Variants in DGKB observed in about 807,000 individuals in gnomAD.
The protein encoded by DGKB is 90 kDa diacylglycerol kinase.
DGKB carries 67 observed loss-of-function variants against 114.3 expected under a neutral mutation model. The ratio of observed to expected loss-of-function variants is 0.59; its 90% CI spans 0.48 to 0.72. The LOEUF is 0.72. Among genes scored for constraint, DGKB ranks in the 30% least tolerant of loss-of-function variants. The probability of loss-of-function intolerance (pLI) is 0.00; values close to 1 mark genes in which losing one functional copy is unlikely to be tolerated. For missense variants in DGKB, 907 were observed against 975.2 expected (o/e 0.93, Z 0.93); for synonymous variants, 398 against 323.1 (o/e 1.23, Z -2.49).
intron 21 of DGKB, among the ~76,000 whole-genome samples, chr7:14,394,501 G>C (rs1821924731): frequency 6.6e-6 from 1 of 152,090 alleles, no homozygotes; most frequent in African/African-American, 2.4e-5. Flanking sequence ...AGGCCACTTT[G>C]TATTAAAAAT....
chr7:14,585,824 G>A (rs1273721587), intron 17 of DGKB, among the ~76,000 whole-genome samples: 1 of 152,024 alleles, frequency 6.6e-6, no homozygotes, highest in East Asian at 1.9e-4. Flanking sequence ...CTGTTATGGT[G>A]ATCTCTGATC....
Position 14,962,427 on chromosome 7 carries a change from A to G in DGKB, c.-188+12269T>C, listed in dbSNP as rs568021512. Reference sequence around the variant, plus strand: ...ATCAAAATTGCATTAATATTTTTAGATTTGGAATGAAATAATTTATTCTGA... The same window carrying G: ...ATCAAAATTGCATTAATATTTTTAGGTTTGGAATGAAATAATTTATTCTGA... On this transcript the variant is annotated intron_variant, in intron 1 of 4. Coordinates refer to the DGKB transcript ENST00000437998. Among the ~76,000 whole-genome samples, 17 of 152,206 alleles carry G rather than the reference A, an allele frequency of 1.1e-4. 1 individual carries two copies. The South Asian group carries it at 3.3e-3, about 30-fold the overall frequency.
intron 23 of DGKB, among the ~76,000 whole-genome samples, chr7:14,206,269 T>C (rs1380788665): frequency 6.6e-6 from 1 of 151,946 alleles, no homozygotes; most frequent in Non-Finnish European, 1.5e-5. Context: ...AGATAGTTTG[T>C]AGGAAGAAAA....
intron 9 of DGKB, 42 bp from the exon 10 acceptor site, chr7:14,685,404 A>C (rs1441365808): frequency 1.4e-6 from 2 of 1,415,646 alleles, no homozygotes; most frequent in Non-Finnish European, 2.0e-6. Context: ...TTAATGAAAT[A>C]AACAGTGAAA....
At chr7:14,727,857 G>A (rs1586024460) in intron 5 of DGKB, among the ~76,000 whole-genome samples, 1 of 152,066 alleles carries the variant, frequency 6.6e-6, no homozygotes, top group African/African-American at 2.4e-5. Context: ...GTCCTAATAA[G>A]AGAAATATCT....
chr7:14,724,520 T>C (rs968386596), intron 5 of DGKB, among the ~76,000 whole-genome samples: 1 of 151,994 alleles, frequency 6.6e-6, no homozygotes, highest in Non-Finnish European at 1.5e-5. Flanking sequence ...GAACATACTC[T>C]GGTTTTCATC....
chr7:14,804,097 G>GTGTA (rs1842516525), intron 2 of DGKB, among the ~76,000 whole-genome samples: 1 of 151,176 alleles, frequency 6.6e-6, no homozygotes, highest in African/African-American at 2.4e-5. Flanking sequence ...GTGTGTGTGT[G>GTGTA]TTTAGTAATT....
chr7:14,819,107 T>C (rs1586713065), intron 2 of DGKB, among the ~76,000 whole-genome samples: 1 of 152,188 alleles, frequency 6.6e-6, no homozygotes, highest in South Asian at 2.1e-4. Flanking sequence ...CAGATGCCAA[T>C]GATTCATTCT....
intron 22 of DGKB, among the ~76,000 whole-genome samples, chr7:14,339,597 A>G (rs937018486): frequency 2.6e-5 from 4 of 152,168 alleles, no homozygotes; most frequent in Non-Finnish European, 5.9e-5. Context: ...CATTTCCACT[A>G]CTGGACATAT....
chr7:14,657,681 A>T (rs1435622804), intron 13 of DGKB, among the ~76,000 whole-genome samples: 1 of 151,832 alleles, frequency 6.6e-6, no homozygotes, highest in African/African-American at 2.4e-5. Flanking sequence ...ACACATCCTT[A>T]GTTAGTTATA....
intron 4 of DGKB, among the ~76,000 whole-genome samples, chr7:14,739,424 C>T (rs1475595353): frequency 6.6e-6 from 1 of 152,184 alleles, no homozygotes; most frequent in African/African-American, 2.4e-5. Context: ...GCCTCTTCAG[C>T]TCATGTGTGG....
chr7:14,947,205 T>C (rs1370034261), intron 1 of DGKB, among the ~76,000 whole-genome samples: 1 of 151,744 alleles, frequency 6.6e-6, no homozygotes, highest in Non-Finnish European at 1.5e-5. Flanking sequence ...GTTTGTTATG[T>C]TTAAACCTAA....
intron 23 of DGKB, among the ~76,000 whole-genome samples, chr7:14,231,138 T>TCTTTCTTTCTTG (rs1791771807): frequency 6.8e-6 from 1 of 148,072 alleles, no homozygotes; most frequent in Non-Finnish European, 1.5e-5. Flanking sequence ...TTTCTTTCTT[T>TCTTTCTTTCTTG]CTTTCTTTTT....
intron 23 of DGKB, among the ~76,000 whole-genome samples, chr7:14,303,329 G>C (rs867064837): frequency 6.6e-6 from 1 of 151,990 alleles, no homozygotes; most frequent in Admixed American, 6.6e-5. Flanking sequence ...GTGTATGACT[G>C]TATTTCCCGC....
At chr7:14,577,445 G>A (rs980886098) in intron 19 of DGKB, among the ~76,000 whole-genome samples, 3 of 152,078 alleles carry the variant, frequency 2.0e-5, no homozygotes, top group South Asian at 2.1e-4. Context: ...GTGAAACCCT[G>A]TCTCTACTAA....
chr7:14,390,521 G>T (rs1399119529), intron 21 of DGKB, among the ~76,000 whole-genome samples: 1 of 152,070 alleles, frequency 6.6e-6, no homozygotes, highest in Non-Finnish European at 1.5e-5. Flanking sequence ...ATGAAGAAGT[G>T]ATAATGTAGG....
intron 23 of DGKB, chr7:14,191,851 T>C: frequency 6.0e-6 from 3 of 497,642 alleles, no homozygotes; most frequent in Non-Finnish European, 1.2e-5. Flanking sequence ...CTGTACTGGA[T>C]TGTCACACAG....
intron 21 of DGKB, among the ~76,000 whole-genome samples, chr7:14,457,069 A>G (rs1832389101): frequency 6.6e-6 from 1 of 152,158 alleles, no homozygotes; most frequent in Admixed American, 6.6e-5. Context: ...AAGAGATAAG[A>G]AGCAAATATA....
intron 20 of DGKB, among the ~76,000 whole-genome samples, chr7:14,562,042 C>A (rs1222791159): frequency 6.6e-6 from 1 of 152,178 alleles, no homozygotes; most frequent in Non-Finnish European, 1.5e-5. Context: ...AGCCTATAGA[C>A]TTGGTACCCC....
Sources: allele counts gnomAD v4.1 joint callset (sites outside exome capture counted in the v4.1 genomes callset), GRCh38; gene constraint gnomAD v4.1.1; transcripts MANE v1.5; gene names NCBI Gene and HGNC (gene_info 2026-07-23, HGNC 2026-07-21).